ACACA: variants seen among roughly 807,000 people sequenced by gnomAD.
ACACA encodes acetyl-CoA carboxylase 1.
In ACACA, 103 loss-of-function variants were observed where a neutral mutation model predicts 296.1. That is an observed-to-expected ratio of 0.35 (90% CI 0.30 to 0.41). ACACA has a LOEUF of 0.41. ACACA is among the 10% of genes least tolerant of loss of function. The pLI is 1.00. For synonymous variants in ACACA, 953 were observed against 1,038.6 expected (o/e 0.92, Z 1.58); for missense variants, 1,554 against 2,989.7 (o/e 0.52, Z 11.20).
intron 2 of ACACA, among the ~76,000 whole-genome samples, chr17:37,339,389 T>G (rs900291040): frequency 4.6e-5 from 7 of 152,216 alleles, no homozygotes; most frequent in Non-Finnish European, 8.8e-5. Flanking sequence ...AGTTCCTAGC[T>G]AAGAAGACCA....
intron 1 of ACACA, among the ~76,000 whole-genome samples, chr17:37,340,301 G>A (rs186145696): frequency 1.3e-3 from 200 of 152,280 alleles, no homozygotes; most frequent in Non-Finnish European, 2.1e-3. Flanking sequence ...ATTATACTAA[G>A]TCCCTAAACT....
intron 25 of ACACA, among the ~76,000 whole-genome samples, chr17:37,233,940 TA>T (rs2079984503): frequency 6.6e-6 from 1 of 152,204 alleles, no homozygotes; most frequent in Non-Finnish European, 1.5e-5. Context: ...GTGGCTATTC[TA>T]AAAAATGTGA....
At chr17:37,357,426 A>C (rs540097379) in intron 1 of ACACA, among the ~76,000 whole-genome samples, 1 of 152,192 alleles carries the variant, frequency 6.6e-6, no homozygotes, top group Admixed American at 6.6e-5. Context: ...CCAGGAGACG[A>C]AGGTTGCAGT....
intron 14 of ACACA, among the ~76,000 whole-genome samples, chr17:37,255,425 G>T (rs143054718): frequency 1.0e-3 from 155 of 152,292 alleles, no homozygotes; most frequent in Non-Finnish European, 1.7e-3. Context: ...TGAACTTTTG[G>T]CATAGTGTCA....
At chr17:37,329,034 A>G (rs1189439395) in intron 3 of ACACA, 1 of 398,428 alleles carries the variant, frequency 2.5e-6, no homozygotes, top group Non-Finnish European at 4.4e-6. Context: ...CTAGTTATAT[A>G]ATCAAACATC....
At chr17:37,140,579 A>G (rs2075528407) in intron 45 of ACACA, 1 of 154,970 alleles carries the variant, frequency 6.5e-6, no homozygotes, top group Non-Finnish European at 1.4e-5. Flanking sequence ...AACAGGCTTA[A>G]TTCACTTTAT....
At chr17:37,222,756 A>G (rs2079358044) in intron 28 of ACACA, among the ~76,000 whole-genome samples, 1 of 152,258 alleles carries the variant, frequency 6.6e-6, no homozygotes, top group Non-Finnish European at 1.5e-5. Flanking sequence ...GACTACCGTG[A>G]TGTTACATTA....
At chr17:37,310,971 T>C (rs1391978809) in intron 3 of ACACA, among the ~76,000 whole-genome samples, 1 of 152,034 alleles carries the variant, frequency 6.6e-6, no homozygotes, top group African/African-American at 2.4e-5. Flanking sequence ...CATGAAAGTG[T>C]AGTCTTTAGC....
rs545952809 is a variant in ACACA at position 37,129,525 on chromosome 17, G to A, written c.5824-40C>T. On this transcript the variant is annotated intron_variant, in intron 46 of 55. Transcript: ENST00000616317. ...GAAGAGAGCACAGCAATCAGTGAAC[G>A]ACAGCCCTAGACTCCAACTCAGCAA... 6.1e-5 allele frequency: 98 copies of A among 1,612,340 alleles called. 1 individual carries two copies. The East Asian group carries it at 1.3e-3, about 21-fold the overall frequency.
At chr17:37,200,070 C>G in intron 35 of ACACA, 69 bp downstream of exon 35, 1 of 1,143,500 alleles carries the variant, frequency 8.7e-7, no homozygotes, top group Non-Finnish European at 1.3e-6. Context: ...AACATATATT[C>G]TGGTTAAATA....
At chr17:37,229,176 G>A (rs1053012970) in intron 25 of ACACA, among the ~76,000 whole-genome samples, 8 of 150,624 alleles carry the variant, frequency 5.3e-5, no homozygotes, top group African/African-American at 1.2e-4. Context: ...AATCACCTCC[G>A]CAACCTGTAT....
intron 3 of ACACA, among the ~76,000 whole-genome samples, chr17:37,304,819 G>A (rs1333079483): frequency 6.6e-6 from 1 of 151,672 alleles, no homozygotes; most frequent in African/African-American, 2.4e-5. Flanking sequence ...TTTAAGATGG[G>A]GCACAGTGGC....
intron 54 of ACACA, 25 bp from the exon 55 acceptor site, chr17:37,089,099 A>G: frequency 6.2e-7 from 1 of 1,614,154 alleles, no homozygotes; most frequent in Non-Finnish European, 8.5e-7. Context: ...CTCTTGGTCA[A>G]ACACCAGGGG....
chr17:37,361,625 C>A (rs1477166886), intron 1 of ACACA, among the ~76,000 whole-genome samples: 2 of 152,172 alleles, frequency 1.3e-5, no homozygotes, highest in Non-Finnish European at 2.9e-5. Flanking sequence ...GCTAAGACAG[C>A]TGGGCAGAGA....
At chr17:37,365,731 G>C in intron 1 of ACACA, 1 of 985,392 alleles carries the variant, frequency 1.0e-6, no homozygotes, top group African/African-American at 1.7e-5. Context: ...CCTCAGGAAG[G>C]CCACTTCATA....
At chr17:37,226,505 G>A in intron 25 of ACACA, 53 bp from the exon 26 acceptor site, 2 of 1,432,594 alleles carry the variant, frequency 1.4e-6, no homozygotes, top group East Asian at 4.5e-5. Flanking sequence ...AAGAACAGGT[G>A]GATAGGATTT....
intron 45 of ACACA, among the ~76,000 whole-genome samples, chr17:37,130,950 A>G (rs564797581): frequency 6.7e-6 from 1 of 150,012 alleles, no homozygotes; most frequent in East Asian, 2.1e-4. Flanking sequence ...TTGTCATTTA[A>G]TGGCAAAACC....
chr17:37,103,071 T>C (rs1856800396), intron 52 of ACACA, among the ~76,000 whole-genome samples: 3 of 152,188 alleles, frequency 2.0e-5, no homozygotes, highest in Admixed American at 2.0e-4. Flanking sequence ...GAAAAAAGAT[T>C]TTTAAAATTT....
chr17:37,249,601 A>G lies in ACACA; in HGVS notation c.2082-927T>C, dbSNP rs370848310. Among the ~76,000 whole-genome samples, 283 of 152,260 alleles carry G rather than the reference A, an allele frequency of 1.9e-3. 4 individuals carry two copies. The South Asian group carries it at 0.055, about 30-fold the overall frequency. ...TGGTTTTGATTTTATTTACTTAATG[A>G]TTAGTGATGTTGCGCATGTTTTCAC... On this transcript the variant is annotated intron_variant, in intron 16 of 55. Coordinates refer to ENST00000616317, the MANE Select transcript of ACACA (RefSeq NM_198834.3).
Sources: gnomAD v4.1 joint callset for allele counts (sites outside exome capture counted in the v4.1 genomes callset) on GRCh38, gnomAD v4.1.1 for gene constraint, MANE v1.5 for transcripts, NCBI Gene and HGNC (gene_info 2026-07-23, HGNC 2026-07-21) for gene names.